YTHDC2: variants seen among roughly 807,000 people sequenced by gnomAD.
YTHDC2 encodes 3'-5' RNA helicase YTHDC2.
A neutral mutation model predicts 174.9 loss-of-function variants in YTHDC2; 45 were observed. The ratio of observed to expected loss-of-function variants is 0.26; its 90% CI spans 0.20 to 0.33. YTHDC2 has a LOEUF of 0.33. Ranked by LOEUF, YTHDC2 falls within the 10% of genes least tolerant of loss-of-function variation. The pLI is 1.00. For synonymous variants in YTHDC2, 657 were observed against 574.5 expected, an observed-to-expected ratio of 1.14 and a Z score of -2.05; for missense variants, 1,650 against 1,723.7, an observed-to-expected ratio of 0.96 and a Z score of 0.76.
intron 23 of YTHDC2, among the ~76,000 whole-genome samples, chr5:113,570,139 C>G (rs1351899556): frequency 1.3e-5 from 2 of 152,026 alleles, no homozygotes; most frequent in African/African-American, 4.8e-5. Flanking sequence ...CTCTGTCACC[C>G]AGGCTGGAGT....
chr5:113,527,135 G>C (rs548672101), intron 4 of YTHDC2, among the ~76,000 whole-genome samples: 1 of 152,072 alleles, frequency 6.6e-6, no homozygotes, highest in Non-Finnish European at 1.5e-5. Context: ...GAAGTTCCAG[G>C]CTCTTTTTGT....
At chr5:113,576,422 C>G (rs1403523342) in intron 23 of YTHDC2, among the ~76,000 whole-genome samples, 3 of 152,098 alleles carry the variant, frequency 2.0e-5, no homozygotes, top group Non-Finnish European at 4.4e-5. Context: ...ACATCTTCAT[C>G]AGTGTGTCCT....
At chr5:113,517,664 C>G in intron 2 of YTHDC2, 1 of 447,562 alleles carries the variant, frequency 2.2e-6, no homozygotes, top group Non-Finnish European at 4.5e-6. Flanking sequence ...GCTTTCAAAC[C>G]TTCTTACGAA....
intron 10 of YTHDC2, among the ~76,000 whole-genome samples, chr5:113,543,500 C>A (rs1489883940): frequency 1.3e-5 from 2 of 152,226 alleles, no homozygotes; most frequent in Non-Finnish European, 1.5e-5. Flanking sequence ...CTCCCCTAGT[C>A]CAAGCTAGCC....
At chr5:113,523,339 T>C (rs943886118) in intron 2 of YTHDC2, among the ~76,000 whole-genome samples, 1 of 152,136 alleles carries the variant, frequency 6.6e-6, no homozygotes, top group Admixed American at 6.5e-5. Flanking sequence ...AGTTTATTAC[T>C]AGCTGAATAC....
intron 21 of YTHDC2, among the ~76,000 whole-genome samples, chr5:113,566,453 T>C (rs1777335532): frequency 6.6e-6 from 1 of 151,068 alleles, no homozygotes; most frequent in Non-Finnish European, 1.5e-5. Context: ...CACCTTTTTT[T>C]TTTTTTTTTT....
In YTHDC2 at chr5:113,567,684, A is replaced by G. The variant is rs752424810; in HGVS notation, c.3079A>G (p.Ile1027Val). Residue 1027 changes from isoleucine to valine, a missense_variant, in exon 23 of 30, where the codon ATT becomes GTT. Around this residue, in one of 5 missense-constraint regions of YTHDC2, gnomAD observed 913 missense variants for 940.4 expected, o/e 0.97. Transcript: ENST00000161863. ...IPPANGQAAA[I>V]KALPTDWLIY... ...TCCAGCCAATGGTCAAGCTGCAGCA[A>G]TTAAGGCACTGCCCACAGATTGGCT... 4.4e-6 allele frequency: 7 copies of G among 1,606,724 alleles called. No individual in the cohort carries two copies. The highest frequency in any genetic ancestry group is 1.7e-5 in the Admixed American group (1 of 58,354).
chr5:113,538,458 C>G (rs1316554033), intron 7 of YTHDC2, among the ~76,000 whole-genome samples: 1 of 152,124 alleles, frequency 6.6e-6, no homozygotes. Flanking sequence ...CACCATTTTT[C>G]AAGTAAGTTA....
At chr5:113,526,381 G>C (rs191821955) in intron 3 of YTHDC2, among the ~76,000 whole-genome samples, 80 of 152,038 alleles carry the variant, frequency 5.3e-4, no homozygotes, top group Non-Finnish European at 9.3e-4. Flanking sequence ...TGTTCAATGA[G>C]AATATTATGT....
intron 17 of YTHDC2, chr5:113,556,506 T>C (rs1341960572): frequency 6.2e-6 from 1 of 160,464 alleles, no homozygotes; most frequent in Admixed American, 6.3e-5. Context: ...AAATAGGCAA[T>C]TTACCAAAAT....
chr5:113,548,710 C>A, intron 11 of YTHDC2, 43 bp downstream of exon 11: 1 of 1,525,696 alleles, frequency 6.6e-7, no homozygotes, highest in Non-Finnish European at 8.8e-7. Flanking sequence ...CTTTGTATAG[C>A]TACACATATC....
At chr5:113,562,175 A>G (rs1455796351) in intron 18 of YTHDC2, among the ~76,000 whole-genome samples, 3 of 148,086 alleles carry the variant, frequency 2.0e-5, no homozygotes, top group East Asian at 2.0e-4. Context: ...CCACTTCCCA[A>G]TGCTTATGTG....
intron 6 of YTHDC2, among the ~76,000 whole-genome samples, 159 bp downstream of exon 6, chr5:113,534,566 G>A (rs1156663317): frequency 6.6e-6 from 1 of 151,976 alleles, no homozygotes. Flanking sequence ...AGGCTGTAAT[G>A]ATCAATTTAT....
At chr5:113,565,796 C>A in intron 20 of YTHDC2, 97 bp from the exon 21 acceptor site, 2 of 1,279,810 alleles carry the variant, frequency 1.6e-6, no homozygotes, top group Non-Finnish European at 2.1e-6. Context: ...GGCAAATTCA[C>A]GTCGAGGAAT....
Position 113,542,654 on chromosome 5 carries a change from A to T in YTHDC2, c.1495+151A>T. 3 of 662,888 alleles carry T rather than the reference A, an allele frequency of 4.5e-6. No homozygotes were observed. The Admixed American group carries it at 1.1e-4, about 23-fold the overall frequency. The allele number at this position is 662,888 out of a possible 1,614,324, so 41.1% of individuals were successfully genotyped here. A position where few individuals can be genotyped will look rare whatever the true frequency, so the allele number is the denominator to read the frequency against. On this transcript the variant is annotated intron_variant, in intron 10 of 29. Coordinates refer to ENST00000161863, the MANE Select transcript of YTHDC2 (RefSeq NM_022828.5). Reference sequence around the variant, plus strand: ...TTTTATTTCAAATGTACAAATCAGGATCTTCTTGCTAGCACAGCATAGTAG... The same window carrying T: ...TTTTATTTCAAATGTACAAATCAGGTTCTTCTTGCTAGCACAGCATAGTAG...
At chr5:113,528,176 T>C (rs1179393918) in intron 4 of YTHDC2, among the ~76,000 whole-genome samples, 3 of 152,206 alleles carry the variant, frequency 2.0e-5, no homozygotes, top group Admixed American at 1.3e-4. Flanking sequence ...GCTAATGATA[T>C]CTATATATGA....
At chr5:113,522,925 C>T (rs1773978250) in intron 2 of YTHDC2, among the ~76,000 whole-genome samples, 1 of 152,008 alleles carries the variant, frequency 6.6e-6, no homozygotes, top group Non-Finnish European at 1.5e-5. Context: ...AAACTGAATT[C>T]AGTAAATTTT....
Position 113,526,706 on chromosome 5 carries a change from A to G in YTHDC2, c.596A>G (p.Gln199Arg). ...FRQSLPVFEKQEEIVKIIKEN... is the reference protein window; with the variant it reads ...FRQSLPVFEKREEIVKIIKEN... ...CAGTCTTTACCAGTGTTTGAGAAACAGGAAGAAATTGTTAAAATAATTAAG... is the reference window on the plus strand; with the variant it reads ...CAGTCTTTACCAGTGTTTGAGAAACGGGAAGAAATTGTTAAAATAATTAAG... The change falls in exon 4 of 30, where the codon CAG (glutamine) becomes CGG (arginine). Residue 199 changes from glutamine (Q) to arginine (R), a missense_variant. By Grantham distance (43) the Gln-to-Arg change is conservative. This residue lies in a region of YTHDC2 where 304 missense variants were observed against 341.4 expected (regional missense o/e 0.89). Transcript: ENST00000161863. 1 of 1,584,272 alleles carries G rather than the reference A, an allele frequency of 6.3e-7. No individual in the cohort carries two copies. The highest frequency in any genetic ancestry group is 1.2e-5 in the South Asian group (1 of 86,742).
At chr5:113,577,760 A>G (rs921738285) in intron 23 of YTHDC2, among the ~76,000 whole-genome samples, 2 of 152,168 alleles carry the variant, frequency 1.3e-5, no homozygotes, top group Non-Finnish European at 2.9e-5. Context: ...TAAAAAATAT[A>G]TATTTTTGGT....
Sources: gnomAD v4.1 joint callset for allele counts (sites outside exome capture counted in the v4.1 genomes callset) on GRCh38, gnomAD v4.1.1 for gene constraint, gnomAD v4.1.1 regional missense constraint, MANE v1.5 for transcripts, NCBI Gene and HGNC (gene_info 2026-07-23, HGNC 2026-07-21) for gene names.